Variants in SHANK2 observed in about 807,000 individuals in gnomAD.
SHANK2 encodes SH3 and multiple ankyrin repeat domains protein 2.
A neutral mutation model predicts 133.7 loss-of-function variants in SHANK2; 43 were observed. The ratio of observed to expected loss-of-function variants is 0.32; its 90% CI spans 0.25 to 0.41. SHANK2 has a LOEUF of 0.41. Ranked by LOEUF, SHANK2 falls within the 10% of genes least tolerant of loss-of-function variation. SHANK2 has a pLI of 1.00. For missense variants in SHANK2, 1,994 were observed against 2,235.8 expected, an observed-to-expected ratio of 0.89 and a Z score of 2.18; for synonymous variants, 1,017 against 952.8, an observed-to-expected ratio of 1.07 and a Z score of -1.24.
chr11:70,659,992 T>A (rs546700085), intron 16 of SHANK2, 40 bp from the exon 17 acceptor site: 1 of 1,614,020 alleles, frequency 6.2e-7, no homozygotes, highest in South Asian at 1.1e-5. Context: ...GCCTGGGAGA[T>A]GTCTTCCAAG....
At chr11:70,720,404 G>A (rs1161071808) in intron 14 of SHANK2, among the ~76,000 whole-genome samples, 4 of 152,242 alleles carry the variant, frequency 2.6e-5, no homozygotes, top group Non-Finnish European at 5.9e-5. Context: ...TGCCATGGGT[G>A]ATGGGACTGG....
At chr11:70,480,429 G>T (rs1338769903) in intron 25 of SHANK2, among the ~76,000 whole-genome samples, 1 of 152,156 alleles carries the variant, frequency 6.6e-6, no homozygotes. Flanking sequence ...TCTTCTGCAC[G>T]TGGTTATTTT....
rs1196216254 is a variant in SHANK2, at chr11:70,468,728, T to TATG, written c.*4138_*4140dup. ...GAGCTTGAGGGTGAACTACAAAAGATATGAGGACTGGAATTTTTCCTGAAC... is the reference window on the plus strand; with the variant it reads ...GAGCTTGAGGGTGAACTACAAAAGATATGATGAGGACTGGAATTTTTCCTGAAC... On this transcript the variant is annotated 3_prime_UTR_variant, in exon 26 of 26. Transcript: ENST00000601538. 1 of 152,226 alleles carries TATG rather than the reference T, an allele frequency of 6.6e-6. No individual in the cohort carries two copies. The highest frequency in any genetic ancestry group is 1.9e-4 in the East Asian group (1 of 5,182). The allele number at this position is 152,226 out of a possible 1,614,324, so 9.4% of individuals were successfully genotyped here. A position where few individuals can be genotyped will look rare whatever the true frequency, so the allele number is the denominator to read the frequency against.
intron 17 of SHANK2, among the ~76,000 whole-genome samples, chr11:70,559,795 A>G (rs1406023931): frequency 6.6e-6 from 1 of 152,118 alleles, no homozygotes; most frequent in Non-Finnish European, 1.5e-5. Flanking sequence ...TCAGACTCCA[A>G]AAAAAGAGCC....
chr11:70,924,261 G>A (rs1312278880), intron 10 of SHANK2, among the ~76,000 whole-genome samples: 2 of 151,940 alleles, frequency 1.3e-5, no homozygotes, highest in Non-Finnish European at 2.9e-5. Flanking sequence ...ACATGCCCCA[G>A]AGCAGGTCTC....
At chr11:70,618,837 G>A (rs782713749) in intron 17 of SHANK2, among the ~76,000 whole-genome samples, 15 of 152,200 alleles carry the variant, frequency 9.9e-5, no homozygotes, top group South Asian at 2.1e-4. Flanking sequence ...ACCACCCAAG[G>A]CTGGCTCTCC....
chr11:70,694,589 C>T (rs782358942), intron 15 of SHANK2, among the ~76,000 whole-genome samples: 3 of 152,240 alleles, frequency 2.0e-5, no homozygotes, highest in Non-Finnish European at 4.4e-5. Flanking sequence ...GTTTCTGCTG[C>T]TCATTAGTCT....
intron 2 of SHANK2, among the ~76,000 whole-genome samples, chr11:71,161,854 A>C (rs1442808109): frequency 4.6e-5 from 7 of 152,236 alleles, no homozygotes; most frequent in Non-Finnish European, 5.9e-5. Flanking sequence ...CATTTGGCTC[A>C]GAATAAACCT....
At chr11:70,579,057 C>A (rs1197324043) in intron 17 of SHANK2, among the ~76,000 whole-genome samples, 1 of 152,144 alleles carries the variant, frequency 6.6e-6, no homozygotes, top group Non-Finnish European at 1.5e-5. Flanking sequence ...GAGAACGAGG[C>A]CTGTGCTGGA....
chr11:70,682,291 G>A (rs953462694), intron 15 of SHANK2, among the ~76,000 whole-genome samples: 7 of 152,214 alleles, frequency 4.6e-5, no homozygotes, highest in African/African-American at 1.7e-4. Context: ...ACGAACCCAT[G>A]GGCATGGAAG....
chr11:71,139,040 G>C (rs1310611272), intron 3 of SHANK2, among the ~76,000 whole-genome samples: 4 of 152,140 alleles, frequency 2.6e-5, no homozygotes, highest in Middle Eastern at 3.2e-3. Context: ...AGGGGGTCAG[G>C]TTGGCAGTGC....
intron 11 of SHANK2, chr11:70,826,340 C>T: frequency 2.4e-6 from 1 of 422,536 alleles, no homozygotes; most frequent in Non-Finnish European, 4.9e-6. Flanking sequence ...TCATTATCCC[C>T]TGACATGCTA....
chr11:71,175,516 A>AACAG lies in SHANK2; in HGVS notation c.-12-28182_-12-28179dup, dbSNP rs201714492. Among the ~76,000 whole-genome samples, 1 of 147,092 alleles carries AACAG rather than the reference A, an allele frequency of 6.8e-6. No homozygotes were observed. The highest frequency in any genetic ancestry group is 2.5e-5 in the African/African-American group (1 of 39,704). On this transcript the variant is annotated intron_variant, in intron 2 of 25. Coordinates refer to ENST00000601538, the MANE Select transcript of SHANK2 (RefSeq NM_012309.5). The surrounding 1 kb of genome is among the most constrained non-coding windows in gnomAD (Gnocchi z 4.2). ...GGGACAAAAAAGGCAGAGGGGCAGA[A>AACAG]ACAGACAGACAGACAGACAGAGGGA...
At chr11:71,153,630 T>C (rs545851423) in intron 2 of SHANK2, among the ~76,000 whole-genome samples, 12 of 152,296 alleles carry the variant, frequency 7.9e-5, no homozygotes, top group African/African-American at 2.4e-4. Context: ...GCGCTGACTT[T>C]GTCAAGGTTA....
At chr11:71,225,459 T>C (rs1555122059) in intron 1 of SHANK2, among the ~76,000 whole-genome samples, 1 of 152,218 alleles carries the variant, frequency 6.6e-6, no homozygotes, top group East Asian at 1.9e-4. Context: ...TGGATTTCTA[T>C]GGCACCTGTC....
At chr11:70,548,294 C>G (rs1182437615) in intron 17 of SHANK2, among the ~76,000 whole-genome samples, 2 of 152,256 alleles carry the variant, frequency 1.3e-5, no homozygotes, top group Non-Finnish European at 2.9e-5. Flanking sequence ...CTGACACAGA[C>G]GTGCACACAC....
chr11:70,799,080 C>G (rs1320270081), intron 13 of SHANK2, among the ~76,000 whole-genome samples: 1 of 152,168 alleles, frequency 6.6e-6, no homozygotes, highest in Non-Finnish European at 1.5e-5. Context: ...TCTGGATCTT[C>G]TAAACAAGCG....
intron 17 of SHANK2, among the ~76,000 whole-genome samples, chr11:70,593,075 G>A (rs1447108340): frequency 2.6e-5 from 4 of 152,194 alleles, no homozygotes; most frequent in Non-Finnish European, 4.4e-5. Flanking sequence ...CCCATAGTTC[G>A]GGGAAGGCCT....
intron 8 of SHANK2, among the ~76,000 whole-genome samples, chr11:71,077,137 C>G (rs1468721451): frequency 6.6e-6 from 1 of 152,174 alleles, no homozygotes; most frequent in Non-Finnish European, 1.5e-5. Flanking sequence ...CTCCCCTCAC[C>G]CAGTCGTTTG....
Sources: allele counts gnomAD v4.1 joint callset (sites outside exome capture counted in the v4.1 genomes callset), GRCh38; gene constraint gnomAD v4.1.1; non-coding constraint Gnocchi (gnomAD v3.1); transcripts MANE v1.5; gene names NCBI Gene and HGNC (gene_info 2026-07-23, HGNC 2026-07-21).